The following CLNK variants were observed in gnomAD, a reference collection of about 807,000 sequenced individuals.
The protein encoded by CLNK is cytokine-dependent hematopoietic cell linker.
A neutral mutation model predicts 68.6 loss-of-function variants in CLNK; 74 were observed. The ratio of observed to expected loss-of-function variants is 1.08; its 90% confidence interval spans 0.89 to 1.31. CLNK has a LOEUF of 1.31. Ranked by LOEUF, CLNK falls within the 50% of genes most tolerant of loss-of-function variation. The pLI is 0.00. For synonymous variants in CLNK, 198 were observed against 172.2 expected (o/e 1.15, Z -1.17); for missense variants, 553 against 515.3 (o/e 1.07, Z -0.71).
chr4:10,509,824 C>T (rs1717489232), intron 16 of CLNK, among the ~76,000 whole-genome samples: 1 of 152,062 alleles, frequency 6.6e-6, no homozygotes, highest in African/African-American at 2.4e-5. Context: ...CTGCACCTGG[C>T]CAAAAAGTCA....
intron 2 of CLNK, among the ~76,000 whole-genome samples, chr4:10,632,407 G>C (rs1178128125): frequency 6.6e-6 from 1 of 152,242 alleles, no homozygotes. Context: ...TCAGGAGAGG[G>C]GGAGGGACTT....
intron 18 of CLNK, among the ~76,000 whole-genome samples, chr4:10,492,659 T>C (rs1716632233): frequency 6.6e-6 from 1 of 152,160 alleles, no homozygotes; most frequent in Non-Finnish European, 1.5e-5. Flanking sequence ...ATTAAAACGC[T>C]ATAAACCTGT....
the CLNK span, among the ~76,000 whole-genome samples, chr4:10,699,264 T>TAA: frequency 1.4e-5 from 1 of 69,964 alleles, no homozygotes; most frequent in East Asian, 4.7e-4. Flanking sequence ...TATGTGTGTA[T>TAA]ACACACACAC....
chr4:10,549,029 T>A (rs1185893891), intron 8 of CLNK, among the ~76,000 whole-genome samples: 2 of 152,208 alleles, frequency 1.3e-5, no homozygotes, highest in East Asian at 3.8e-4. Flanking sequence ...TGATACACTG[T>A]CCATGTGTCC....
chr4:10,498,105 G>A (rs1460300309), intron 18 of CLNK, among the ~76,000 whole-genome samples: 1 of 152,218 alleles, frequency 6.6e-6, no homozygotes, highest in African/African-American at 2.4e-5. Context: ...TGAGGCAGGA[G>A]AATCGCTTGA....
At chr4:10,730,499 A>G in the CLNK span, among the ~76,000 whole-genome samples, 2 of 152,290 alleles carry the variant, frequency 1.3e-5, no homozygotes, top group South Asian at 4.2e-4. Context: ...TTAATCTTGC[A>G]TTTGAATACA....
the CLNK span, among the ~76,000 whole-genome samples, chr4:10,716,264 G>C: frequency 1.3e-5 from 2 of 152,040 alleles, no homozygotes; most frequent in Admixed American, 1.3e-4. Context: ...GATTCTGATA[G>C]GATCAAGTAA....
chr4:10,647,917 C>T (rs1188473274), intron 2 of CLNK, among the ~76,000 whole-genome samples: 1 of 152,084 alleles, frequency 6.6e-6, no homozygotes, highest in Non-Finnish European at 1.5e-5. Context: ...TGAATTGAAA[C>T]CGGGATTTCC....
At chr4:10,558,308 A>G (rs1719753839) in intron 8 of CLNK, 99 bp downstream of exon 8, 1 of 962,134 alleles carries the variant, frequency 1.0e-6, no homozygotes, top group Non-Finnish European at 1.7e-6. Flanking sequence ...CACCTTGTGT[A>G]AGATCACCCA....
At chr4:10,568,956 C>A (rs1162485737) in intron 5 of CLNK, among the ~76,000 whole-genome samples, 3 of 152,094 alleles carry the variant, frequency 2.0e-5, no homozygotes, top group Non-Finnish European at 4.4e-5. Context: ...AAGGGTGGGG[C>A]CTCAAGAAGT....
the CLNK span, among the ~76,000 whole-genome samples, chr4:10,720,421 A>G: frequency 2.0e-5 from 3 of 152,254 alleles, no homozygotes. Context: ...ATTAGAAAGT[A>G]GGCTAGAGAT....
chr4:10,551,936 C>T (rs1380822287), intron 8 of CLNK, among the ~76,000 whole-genome samples: 3 of 151,788 alleles, frequency 2.0e-5, no homozygotes, highest in Non-Finnish European at 4.4e-5. Flanking sequence ...CAACCTCTGC[C>T]TCCCAGGTTC....
chr4:10,529,371 T>C (rs1340542253), intron 12 of CLNK, among the ~76,000 whole-genome samples: 1 of 152,186 alleles, frequency 6.6e-6, no homozygotes, highest in African/African-American at 2.4e-5. Flanking sequence ...GTCATGCCAT[T>C]CTCCTAGATT....
At chr4:10,499,464 C>T (rs928601805) in intron 18 of CLNK, among the ~76,000 whole-genome samples, 7 of 152,130 alleles carry the variant, frequency 4.6e-5, no homozygotes, top group Non-Finnish European at 8.8e-5. Context: ...TATTCCTCTC[C>T]GAGTCTCAAA....
chr4:10,673,677 G>A (rs543223385), intron 1 of CLNK, among the ~76,000 whole-genome samples: 96 of 151,876 alleles, frequency 6.3e-4, no homozygotes, highest in Non-Finnish European at 1.1e-3. Context: ...AGGGGGTGGG[G>A]GGTCTGGGGG....
At chr4:10,589,349 T>C (rs1445726684) in intron 3 of CLNK, among the ~76,000 whole-genome samples, 1 of 152,062 alleles carries the variant, frequency 6.6e-6, no homozygotes, top group Non-Finnish European at 1.5e-5. Context: ...GACCGCAGAG[T>C]TCTCTTGTCT....
chr4:10,642,464 C>A (rs1408643710), intron 2 of CLNK, among the ~76,000 whole-genome samples: 1 of 152,024 alleles, frequency 6.6e-6, no homozygotes, highest in African/African-American at 2.4e-5. Context: ...AAAGGTAGAC[C>A]AGTTGGGGAG....
chr4:10,601,898 A>C (rs912283150), intron 2 of CLNK, among the ~76,000 whole-genome samples: 2 of 152,198 alleles, frequency 1.3e-5, no homozygotes, highest in Non-Finnish European at 2.9e-5. Flanking sequence ...TTGATTGCAC[A>C]AAGAACTGAG....
chr4:10,671,110 A>G (rs902251268), intron 1 of CLNK, among the ~76,000 whole-genome samples: 3 of 152,100 alleles, frequency 2.0e-5, no homozygotes, highest in Non-Finnish European at 2.9e-5. Context: ...TTGAGGCCAG[A>G]TGCAGTGGCT....
Sources: gnomAD v4.1 joint callset for allele counts (sites outside exome capture counted in the v4.1 genomes callset) on GRCh38, gnomAD v4.1.1 for gene constraint, MANE v1.5 for transcripts, NCBI Gene and HGNC (gene_info 2026-07-23, HGNC 2026-07-21) for gene names.